Variants in SH3RF3 observed in about 807,000 individuals in gnomAD.
SH3RF3 encodes SH3 domain containing ring finger 3.
A neutral mutation model predicts 66.3 loss-of-function variants in SH3RF3; 29 were observed. The ratio of observed to expected loss-of-function variants is 0.44; its 90% CI spans 0.33 to 0.60. SH3RF3 has a LOEUF of 0.60. SH3RF3 is among the 20% of genes least tolerant of loss of function. The pLI is 0.04. For missense variants in SH3RF3, 1,194 were observed against 1,190.9 expected, an observed-to-expected ratio of 1.00 and a Z score of -0.04; for synonymous variants, 583 against 532.0, an observed-to-expected ratio of 1.10 and a Z score of -1.32.
chr2:109,432,198 G>A (rs1677245271), intron 5 of SH3RF3, among the ~76,000 whole-genome samples: 1 of 152,122 alleles, frequency 6.6e-6, no homozygotes, highest in Admixed American at 6.5e-5. Flanking sequence ...TGGGGTCACT[G>A]GGCCTTAGGG....
chr2:109,456,947 C>T lies in SH3RF3; in HGVS notation c.2148+7458C>T, dbSNP rs569042889. Among the ~76,000 whole-genome samples, 10 of 152,288 alleles carry T rather than the reference C, an allele frequency of 6.6e-5. No homozygotes were observed. The East Asian group carries it at 1.7e-3, about 26-fold the overall frequency. On this transcript the variant is annotated intron_variant, in intron 8 of 9. Transcript: ENST00000309415. ...GGAAGGAGCACAGTCATCTCAACAG[C>T]GAGTGAAGCTTGAATTTGGAGGAGG...
chr2:109,265,506 C>A (rs1314689686), intron 1 of SH3RF3, among the ~76,000 whole-genome samples: 5 of 152,184 alleles, frequency 3.3e-5, no homozygotes, highest in African/African-American at 1.2e-4. Flanking sequence ...TGCTGCCCAC[C>A]CTTAGGCTGC....
chr2:109,372,547 GGCATAT>G (rs1683296820), intron 3 of SH3RF3, among the ~76,000 whole-genome samples: 1 of 152,210 alleles, frequency 6.6e-6, no homozygotes, highest in East Asian at 1.9e-4. Flanking sequence ...CAGCAACACT[GGCATAT>G]GAAAACCATG....
intron 1 of SH3RF3, among the ~76,000 whole-genome samples, chr2:109,137,846 T>C (rs527945421): frequency 6.6e-6 from 1 of 152,228 alleles, no homozygotes; most frequent in Non-Finnish European, 1.5e-5. Flanking sequence ...GGTCAAGGAA[T>C]CCTTCAGATG....
chr2:109,255,150 G>A (rs772829724), intron 1 of SH3RF3, among the ~76,000 whole-genome samples: 1 of 152,170 alleles, frequency 6.6e-6, no homozygotes, highest in East Asian at 1.9e-4. Flanking sequence ...GTGTGTACAT[G>A]TGCACGTGTG....
At chr2:109,359,718 A>C (rs1228828362) in intron 2 of SH3RF3, among the ~76,000 whole-genome samples, 2 of 152,132 alleles carry the variant, frequency 1.3e-5, no homozygotes, top group East Asian at 3.9e-4. Context: ...ACCTGACCTT[A>C]TGTAATGGGT....
intron 1 of SH3RF3, among the ~76,000 whole-genome samples, chr2:109,139,938 G>A (rs1676906556): frequency 6.6e-6 from 1 of 152,198 alleles, no homozygotes; most frequent in African/African-American, 2.4e-5. Context: ...GTGTTCCTAG[G>A]CAGATGGAGG....
intron 1 of SH3RF3, among the ~76,000 whole-genome samples, chr2:109,339,636 G>C (rs1682511936): frequency 6.6e-6 from 1 of 152,188 alleles, no homozygotes; most frequent in African/African-American, 2.4e-5. Flanking sequence ...TGTTCCCTGG[G>C]AGGGATCAAG....
intron 1 of SH3RF3, among the ~76,000 whole-genome samples, chr2:109,272,442 C>T (rs373118077): frequency 2.0e-5 from 3 of 152,244 alleles, no homozygotes; most frequent in Non-Finnish European, 4.4e-5. Context: ...ACCAGCATCC[C>T]GCAGCTCCAC....
At chr2:109,330,042 G>A (rs1419770411) in intron 1 of SH3RF3, among the ~76,000 whole-genome samples, 1 of 152,176 alleles carries the variant, frequency 6.6e-6, no homozygotes, top group Non-Finnish European at 1.5e-5. Context: ...ACAAAACATT[G>A]AATTTCATCT....
At chr2:109,318,802 C>T (rs1574570816) in intron 1 of SH3RF3, among the ~76,000 whole-genome samples, 1 of 152,230 alleles carries the variant, frequency 6.6e-6, no homozygotes, top group South Asian at 2.1e-4. Context: ...GAGCTCTGGC[C>T]TGAGGCCACC....
chr2:109,219,306 A>AT (rs34081194), intron 1 of SH3RF3, among the ~76,000 whole-genome samples: 56,202 of 152,026 alleles, frequency 0.37, 11,720 homozygotes, highest in East Asian at 0.8. Context: ...ATTTTGTGTA[A>AT]TTACATAAGG....
intron 1 of SH3RF3, among the ~76,000 whole-genome samples, chr2:109,256,471 G>C (rs79438766): frequency 0.06 from 8,955 of 150,400 alleles, 390 homozygotes; most frequent in East Asian, 0.12. Flanking sequence ...CTCTCTCATG[G>C]AAACAGGGGA....
chr2:109,387,202 G>C (rs1243555224), intron 3 of SH3RF3, among the ~76,000 whole-genome samples: 2 of 152,110 alleles, frequency 1.3e-5, no homozygotes, highest in African/African-American at 2.4e-5. Flanking sequence ...CAGTATTTCT[G>C]CCTGGCTTTT....
chr2:109,335,719 C>G (rs562188653), intron 1 of SH3RF3, among the ~76,000 whole-genome samples: 3 of 152,322 alleles, frequency 2.0e-5, no homozygotes, highest in African/African-American at 7.2e-5. Context: ...CTCCCAAACC[C>G]CACGCCAGAA....
intron 1 of SH3RF3, among the ~76,000 whole-genome samples, chr2:109,176,499 A>G (rs1213332011): frequency 3.9e-5 from 6 of 152,142 alleles, no homozygotes; most frequent in Admixed American, 6.5e-5. Flanking sequence ...TGTGGGGCCA[A>G]GGTGGGAGGA....
chr2:109,462,394 A>G (rs1177523723), intron 8 of SH3RF3, among the ~76,000 whole-genome samples: 1 of 152,088 alleles, frequency 6.6e-6, no homozygotes, highest in Non-Finnish European at 1.5e-5. Flanking sequence ...AATTTGCTTA[A>G]ACAACGAAAC....
intron 4 of SH3RF3, among the ~76,000 whole-genome samples, chr2:109,410,217 A>G (rs3924090): frequency 0.52 from 78,536 of 152,098 alleles, 20,575 homozygotes; most frequent in Middle Eastern, 0.57. Flanking sequence ...GCTTCCAACC[A>G]GGGGAGGCTG....
At chr2:109,168,248 T>G (rs528237570) in intron 1 of SH3RF3, among the ~76,000 whole-genome samples, 2 of 152,342 alleles carry the variant, frequency 1.3e-5, no homozygotes, top group East Asian at 3.9e-4. Flanking sequence ...AACTATACAT[T>G]TTCACCACCT....
Sources: allele counts gnomAD v4.1 joint callset (sites outside exome capture counted in the v4.1 genomes callset), GRCh38; gene constraint gnomAD v4.1.1; transcripts MANE v1.5; gene names NCBI Gene and HGNC (gene_info 2026-07-23, HGNC 2026-07-21).